Variants in GSPT1 observed in about 807,000 individuals in gnomAD.
GSPT1 encodes the protein eukaryotic peptide chain release factor GTP-binding subunit ERF3A.
A neutral mutation model predicts 72.5 loss-of-function variants in GSPT1; 20 were observed. The ratio of observed to expected loss-of-function variants is 0.28; its 90% CI spans 0.19 to 0.40. GSPT1 has a LOEUF of 0.40. Ranked by LOEUF, GSPT1 falls within the 10% of genes least tolerant of loss-of-function variation. The pLI is 1.00. For missense variants in GSPT1, 580 were observed against 811.9 expected, an observed-to-expected ratio of 0.71 and a Z score of 3.47; for synonymous variants, 334 against 293.5, an observed-to-expected ratio of 1.14 and a Z score of -1.41.
At chr16:11,876,949 T>G (rs2054056302) in intron 12 of GSPT1, among the ~76,000 whole-genome samples, 1 of 152,214 alleles carries the variant, frequency 6.6e-6, no homozygotes, top group East Asian at 1.9e-4. Context: ...TGTCATACCT[T>G]AGAAAAGAAC....
intron 1 of GSPT1, among the ~76,000 whole-genome samples, chr16:11,905,931 G>A (rs1208986332): frequency 6.6e-6 from 1 of 152,104 alleles, no homozygotes; most frequent in Non-Finnish European, 1.5e-5. Flanking sequence ...ATGAACTGTG[G>A]GTGGATGACT....
intron 5 of GSPT1, among the ~76,000 whole-genome samples, chr16:11,892,651 A>C (rs2054281765): frequency 6.6e-6 from 1 of 151,220 alleles, no homozygotes; most frequent in Non-Finnish European, 1.5e-5. Context: ...ACATGGTGAA[A>C]CCTCATCTCT....
rs574915875 is a variant in GSPT1 at position 11,887,460 on chromosome 16, T to C, written c.957+110A>G. On this transcript the variant is annotated intron_variant, in intron 7 of 14. Coordinates refer to ENST00000434724, the MANE Select transcript of GSPT1 (RefSeq NM_002094.4). ...ATGAAAACTGTGACCGTGTACATCATTATATTTCACTGCAACCTGAATTTG... is the reference window on the plus strand; with the variant it reads ...ATGAAAACTGTGACCGTGTACATCACTATATTTCACTGCAACCTGAATTTG... The C allele has an allele frequency of 4.8e-5, 41 of 855,524 alleles. No homozygotes were observed. In the African/African-American group the frequency reaches 6.6e-4, roughly 14 times the overall value. 53.0% of individuals were successfully genotyped at this position (855,524 alleles called of 1,614,324 possible). A position where few individuals can be genotyped will look rare whatever the true frequency, so the allele number is the denominator to read the frequency against.
At chr16:11,905,468 C>A (rs569272131) in intron 1 of GSPT1, among the ~76,000 whole-genome samples, 1 of 152,304 alleles carries the variant, frequency 6.6e-6, no homozygotes, top group Middle Eastern at 3.4e-3. Context: ...ATCCCATTCC[C>A]TGTCCATCCC....
Position 11,897,851 on chromosome 16 carries a change from G to A in GSPT1, c.425C>T (p.Ser142Leu). The A allele has an allele frequency of 6.5e-7, 1 of 1,530,404 alleles. No individual in the cohort carries two copies. The highest frequency in any genetic ancestry group is 8.9e-7 in the Non-Finnish European group (1 of 1,121,240). The allele number at this position is 1,530,404 out of a possible 1,614,324, so 94.8% of individuals were successfully genotyped here. ...GSNSAVSMEL[S>L]EPIVENGETE... The stretch of plus-strand genomic sequence containing the variant: ...AGAAATTTTCTTACCAATAGGTTCT[G>A]AAAGTTCCATGCTAACAGCTGAATT... The change falls in exon 3 of 15, where the codon TCA becomes TTA. Residue 142 changes from serine to leucine, a missense_variant. By Grantham distance (145) the Ser-to-Leu change is moderately radical. Around this residue, in one of 6 missense-constraint regions of GSPT1, gnomAD observed 327 missense variants for 298.8 expected, o/e 1.09. Transcript: ENST00000434724.
At chr16:11,892,052 C>T (rs144634353) in intron 5 of GSPT1, among the ~76,000 whole-genome samples, 2,890 of 152,122 alleles carry the variant, frequency 0.019, 53 homozygotes, top group Non-Finnish European at 0.031. Flanking sequence ...CTCGAATTAA[C>T]AGACAAAGTG....
intron 10 of GSPT1, among the ~76,000 whole-genome samples, chr16:11,883,895 C>T (rs1218334501): frequency 1.4e-5 from 2 of 147,114 alleles, no homozygotes; most frequent in African/African-American, 5.0e-5. Context: ...CCTGGTGAAA[C>T]AGCGAGACTC....
rs146553623 is a variant in GSPT1, at chr16:11,877,067, T to C, written c.1602+340A>G. ...GTGTGATTTCTTGTCTGGAAAGCTA[T>C]GTGCTGTCAATGAGCACATAAACCA... On this transcript the variant is annotated intron_variant, in intron 12 of 14. Coordinates refer to ENST00000434724, the MANE Select transcript of GSPT1 (RefSeq NM_002094.4). The surrounding 1 kb of genome is among the most constrained non-coding windows in gnomAD (Gnocchi z 4.0). Among the ~76,000 whole-genome samples, 5 of 152,354 alleles carry C rather than the reference T, an allele frequency of 3.3e-5. No individual in the cohort carries two copies. In the East Asian group the frequency reaches 9.6e-4, roughly 29 times the overall value.
chr16:11,910,151 C>A (rs373120251), intron 1 of GSPT1, among the ~76,000 whole-genome samples: 2 of 152,128 alleles, frequency 1.3e-5, no homozygotes, highest in Non-Finnish European at 2.9e-5. Context: ...GGTGATCAGG[C>A]TTTGGCTGCA....
intron 14 of GSPT1, 67 bp from the exon 15 acceptor site, chr16:11,873,238 T>C: frequency 1.3e-6 from 1 of 754,534 alleles, no homozygotes; most frequent in Non-Finnish European, 2.3e-6. Context: ...TATTAAAACT[T>C]ATTATTTTAA....
At position 11,915,833 on chromosome 16, in the gene GSPT1, C is replaced by T. The variant is rs1007243028; in HGVS notation, c.-113G>A. ...AGGGAAGGCGGCGGGGCAGAAGGGC[C>T]GGGAGCTAGCGACAAAGATCCCCGG... is the stretch of plus-strand genomic sequence containing the variant. On this transcript the variant is annotated 5_prime_UTR_variant, in exon 1 of 15. Transcript: ENST00000434724. 1 of 1,497,690 alleles carries T rather than the reference C, an allele frequency of 6.7e-7. No individual in the cohort carries two copies. Among genetic ancestry groups the T allele is most frequent in the Admixed American group, 1.7e-5 (1 of 59,012 alleles). The allele number at this position is 1,497,690 out of a possible 1,614,324, so 92.8% of individuals were successfully genotyped here. A position where few individuals can be genotyped will look rare whatever the true frequency, so the allele number is the denominator to read the frequency against.
At chr16:11,886,735 C>A (rs777677988) in intron 8 of GSPT1, 42 bp downstream of exon 8, 2 of 1,591,416 alleles carry the variant, frequency 1.3e-6, no homozygotes, top group Non-Finnish European at 1.7e-6. Flanking sequence ...ACAAAACCAT[C>A]CTTAATCCCA....
rs1275641230 is a variant in GSPT1 at position 11,873,048 on chromosome 16, G to A, written c.*71C>T. 1 of 815,540 alleles carries A rather than the reference G, an allele frequency of 1.2e-6. No homozygotes were observed. Among genetic ancestry groups the A allele is most frequent in the African/African-American group, 1.7e-5 (1 of 58,654 alleles). The allele number at this position is 815,540 out of a possible 1,614,324, so 50.5% of individuals were successfully genotyped here. On this transcript the variant is annotated 3_prime_UTR_variant, in exon 15 of 15. Transcript: ENST00000434724. ...GTTTATCAATGGGCAGAAAATAAGA[G>A]AAGGCGGTGTGAAGTAGGCTTCTGC...
rs191189114 is a variant in GSPT1, at chr16:11,878,854, C to G, written c.1429-1274G>C. 3.9e-5 allele frequency among the ~76,000 whole-genome samples: 6 copies of G among 151,978 alleles called. No homozygotes were observed. The East Asian group carries it at 1.2e-3, about 29-fold the overall frequency. ...GCCGAGGCGGGTGATCACCTGAGAT[C>G]AGGAGTTTGAGACCAGCCTGGCCAA... is the stretch of plus-strand genomic sequence containing the variant. On this transcript the variant is annotated intron_variant, in intron 11 of 14. Coordinates refer to ENST00000434724, the MANE Select transcript of GSPT1 (RefSeq NM_002094.4).
At position 11,868,136 on chromosome 16, in the gene GSPT1, G is replaced by T. The variant is rs2053938962; in HGVS notation, c.*4983C>A. 6.6e-6 allele frequency: 1 copy of T among 152,060 alleles called. No homozygotes were observed. Among genetic ancestry groups the T allele is most frequent in the Admixed American group, 6.6e-5 (1 of 15,264 alleles). 9.4% of individuals were successfully genotyped at this position (152,060 alleles called of 1,614,324 possible). On this transcript the variant is annotated 3_prime_UTR_variant, in exon 15 of 15. Transcript: ENST00000434724. ...TTACAAACGACAAATCCTTCAAAAG[G>T]GAAGATGACAACTTTTATTGTTATT...
chr16:11,914,803 C>T (rs1002542337), intron 1 of GSPT1, among the ~76,000 whole-genome samples: 3 of 152,132 alleles, frequency 2.0e-5, no homozygotes, highest in African/African-American at 7.2e-5. Flanking sequence ...AGTTTCTGCC[C>T]GATCACAAGG....
intron 5 of GSPT1, among the ~76,000 whole-genome samples, chr16:11,893,280 T>C (rs2054293142): frequency 6.6e-6 from 1 of 151,978 alleles, no homozygotes; most frequent in Non-Finnish European, 1.5e-5. Flanking sequence ...TCTCTTAAAA[T>C]AAATATAGTT....
chr16:11,899,588 CAG>C (rs796466347), intron 1 of GSPT1, among the ~76,000 whole-genome samples: 39 of 152,248 alleles, frequency 2.6e-4, no homozygotes, highest in African/African-American at 8.9e-4. Flanking sequence ...CATTAACAAA[CAG>C]GGGGGAAACG....
chr16:11,887,249 T>C (rs959986677), intron 7 of GSPT1, among the ~76,000 whole-genome samples: 1 of 152,184 alleles, frequency 6.6e-6, no homozygotes, highest in Non-Finnish European at 1.5e-5. Flanking sequence ...GCAAAATGAC[T>C]GAAGACCGTA....
Sources: gnomAD v4.1 joint callset for allele counts (sites outside exome capture counted in the v4.1 genomes callset) on GRCh38, gnomAD v4.1.1 for gene constraint, gnomAD v4.1.1 regional missense constraint, Gnocchi (gnomAD v3.1) non-coding constraint, MANE v1.5 for transcripts, NCBI Gene and HGNC (gene_info 2026-07-23, HGNC 2026-07-21) for gene names.